The following SKIL variants were observed in gnomAD, a reference collection of about 807,000 sequenced individuals.
SKIL encodes the protein ski-like protein.
Under a neutral mutation model 69.6 loss-of-function variants are expected in SKIL, and 20 were observed. The ratio of observed to expected loss-of-function variants is 0.29; its 90% confidence interval spans 0.20 to 0.42. SKIL has a LOEUF of 0.42. Ranked by LOEUF, SKIL falls within the 10% of genes least tolerant of loss-of-function variation. The pLI, the probability that SKIL is intolerant of heterozygous loss-of-function variation, is 1.00. For missense variants in SKIL, 745 were observed against 783.1 expected (o/e 0.95, Z 0.58); for synonymous variants, 310 against 279.9 (o/e 1.11, Z -1.08).
At chr3:170,387,851 G>A (rs868631482) in intron 4 of SKIL, among the ~76,000 whole-genome samples, 5 of 134,942 alleles carry the variant, frequency 3.7e-5, no homozygotes, top group East Asian at 2.3e-4. Context: ...GGAGAATGGC[G>A]TGAACCCGGG....
intron 2 of SKIL, 93 bp downstream of exon 2, chr3:170,361,522 C>T (rs1736231939): frequency 1.0e-6 from 1 of 955,104 alleles, no homozygotes; most frequent in Non-Finnish European, 1.6e-6. Flanking sequence ...GTATGTTGAA[C>T]ATTGCTCATG....
At position 170,360,382 on chromosome 3, in the gene SKIL, A is replaced by T; in HGVS notation, c.51A>T (p.Lys17Asn). The T allele has an allele frequency of 6.2e-7, 1 of 1,601,336 alleles. No individual in the cohort carries two copies. The highest frequency in any genetic ancestry group is 8.5e-7 in the Non-Finnish European group (1 of 1,174,216). The change falls in exon 2 of 7, where the codon AAA (lysine) becomes AAT (asparagine). Residue 17 changes from lysine to asparagine, a missense_variant. Physicochemically the swap from Lys to Asn is moderately conservative, Grantham distance 94. Coordinates refer to ENST00000259119, the MANE Select transcript of SKIL (RefSeq NM_005414.5). ...CCTTGGTTCAGGGCTCAACTAAAAA[A>T]CTGAATGGGATGGGAGATGATGGCA... ...NFSLVQGSTK[K>N]LNGMGDDGSP...
At chr3:170,384,806 A>C (rs759961591) in intron 4 of SKIL, 41 bp downstream of exon 4, 1 of 1,049,052 alleles carries the variant, frequency 9.5e-7, no homozygotes, top group Non-Finnish European at 1.4e-6. Context: ...TAAATATCTA[A>C]TGAACACATT....
At chr3:170,366,373 G>C (rs2108897014) in intron 2 of SKIL, among the ~76,000 whole-genome samples, 1 of 151,690 alleles carries the variant, frequency 6.6e-6, no homozygotes, top group East Asian at 1.9e-4. Flanking sequence ...TACTCAAGTC[G>C]CCATAAGAAA....
intron 2 of SKIL, among the ~76,000 whole-genome samples, chr3:170,365,441 ATT>A (rs1011197636): frequency 3.3e-5 from 5 of 152,196 alleles, no homozygotes; most frequent in Middle Eastern, 3.4e-3. Context: ...TCATTGGAGT[ATT>A]TCAGATTTTG....
chr3:170,377,329 CCT>C (rs924780511), intron 2 of SKIL, among the ~76,000 whole-genome samples: 3 of 150,730 alleles, frequency 2.0e-5, no homozygotes, highest in Non-Finnish European at 2.9e-5. Context: ...CCTCTGTTCC[CCT>C]GTTTCGGTTG....
At chr3:170,387,427 G>T (rs1026581622) in intron 4 of SKIL, among the ~76,000 whole-genome samples, 1 of 152,034 alleles carries the variant, frequency 6.6e-6, no homozygotes, top group African/African-American at 2.4e-5. Context: ...AAAAGGAATT[G>T]TACAATATGT....
At chr3:170,389,557 G>A (rs908585844) in intron 4 of SKIL, among the ~76,000 whole-genome samples, 5 of 150,528 alleles carry the variant, frequency 3.3e-5, no homozygotes, top group African/African-American at 7.3e-5. Context: ...GTCGTGATCC[G>A]CCCTTCTCGG....
intron 4 of SKIL, among the ~76,000 whole-genome samples, chr3:170,386,168 T>C (rs572437718): frequency 6.8e-4 from 103 of 152,008 alleles, no homozygotes; most frequent in Admixed American, 1.4e-3. Context: ...TTCGTATTTG[T>C]TGCCCAGGCT....
chr3:170,360,718 T>C lies in SKIL; in HGVS notation c.387T>C (p.Val129=), dbSNP rs746919749. The C allele has an allele frequency of 6.2e-7, 1 of 1,614,196 alleles. No individual in the cohort carries two copies. Among genetic ancestry groups the C allele is most frequent in the South Asian group, 1.1e-5 (1 of 91,078 alleles). The change falls in exon 2 of 7, where the codon GTT becomes GTC. Residue 129 remains valine, a synonymous_variant. Coordinates refer to ENST00000259119, the MANE Select transcript of SKIL (RefSeq NM_005414.5). ...TTCTGCCTCTTCCATCACCTCAGGT[T>C]CTTCCTGGCCCATTGCTCATCCCTT... ...TVFLPLPSPQ[V]LPGPLLIPSD... is the part of the protein sequence containing the mutation.
In SKIL at chr3:170,395,466, TA is replaced by T; in HGVS notation, c.*3050del. On this transcript the variant is annotated 3_prime_UTR_variant, in exon 7 of 7. Transcript: ENST00000259119. ...TGTACATAGCGAATTGTAAAGCAGC[TA>T]TTAAAGTAGGTGAAATAAAGTATAT... 6.6e-6 allele frequency: 1 copy of T among 152,126 alleles called. No individual in the cohort carries two copies. The highest frequency in any genetic ancestry group is 2.4e-5 in the African/African-American group (1 of 41,446). The allele number at this position is 152,126 out of a possible 1,614,324, so 9.4% of individuals were successfully genotyped here. A position where few individuals can be genotyped will look rare whatever the true frequency, so the allele number is the denominator to read the frequency against.
intron 2 of SKIL, among the ~76,000 whole-genome samples, chr3:170,361,741 T>G (rs550727112): frequency 2.3e-5 from 2 of 85,564 alleles, no homozygotes; most frequent in Admixed American, 1.5e-4. Context: ...AGTTAGGGCT[T>G]CTTTTTTTTT....
At chr3:170,368,174 T>G (rs1223038795) in intron 2 of SKIL, among the ~76,000 whole-genome samples, 1 of 152,166 alleles carries the variant, frequency 6.6e-6, no homozygotes, top group Admixed American at 6.5e-5. Flanking sequence ...TGATGGTGAT[T>G]TGCTACCCCA....
intron 4 of SKIL, among the ~76,000 whole-genome samples, chr3:170,388,148 A>G (rs1737745542): frequency 6.6e-6 from 1 of 152,060 alleles, no homozygotes; most frequent in African/African-American, 2.4e-5. Context: ...GGGAGTTTCA[A>G]ATTTTGCATA....
chr3:170,361,489 A>C, intron 2 of SKIL, 60 bp downstream of exon 2: 4 of 1,265,700 alleles, frequency 3.2e-6, no homozygotes, highest in Non-Finnish European at 4.4e-6. Flanking sequence ...TGAAAATTCT[A>C]TGTTTAGTGT....
At chr3:170,391,481 A>T (rs140064828) in intron 6 of SKIL, among the ~76,000 whole-genome samples, 1 of 151,968 alleles carries the variant, frequency 6.6e-6, no homozygotes, top group East Asian at 1.9e-4. Context: ...CACTATGCCC[A>T]GCTAAATTTT....
At chr3:170,390,998 ATAAAG>A in intron 5 of SKIL, 33 bp from the exon 6 acceptor site, 1 of 1,152,192 alleles carries the variant, frequency 8.7e-7, no homozygotes, top group Non-Finnish European at 1.3e-6. Flanking sequence ...CATGGTGAAA[ATAAAG>A]TAAAACTTGT....
chr3:170,391,805 A>C (rs149962271), intron 6 of SKIL, among the ~76,000 whole-genome samples: 1,514 of 146,902 alleles, frequency 0.01, 30 homozygotes, highest in African/African-American at 0.035. Context: ...CTAAATTGCT[A>C]ATCTCTAGCC....
rs184965965 is a variant in SKIL, at chr3:170,392,659, A to G, written c.*242A>G. ...AAAATCAGCTTAGTAACAATACTAT[A>G]TGGTTTCAACTAGTAGGTAATCTGC... On this transcript the variant is annotated 3_prime_UTR_variant, in exon 7 of 7. Coordinates refer to ENST00000259119, the MANE Select transcript of SKIL (RefSeq NM_005414.5). 166 of 260,906 alleles carry G rather than the reference A, an allele frequency of 6.4e-4. No homozygotes were observed. Among genetic ancestry groups the G allele is most frequent in the African/African-American group, 3.0e-3 (135 of 45,176 alleles). The allele number at this position is 260,906 out of a possible 1,614,324, so 16.2% of individuals were successfully genotyped here. A position where few individuals can be genotyped will look rare whatever the true frequency, so the allele number is the denominator to read the frequency against.
Sources: gnomAD v4.1 joint callset for allele counts (sites outside exome capture counted in the v4.1 genomes callset) on GRCh38, gnomAD v4.1.1 for gene constraint, MANE v1.5 for transcripts, NCBI Gene and HGNC (gene_info 2026-07-23, HGNC 2026-07-21) for gene names.